The following MCF2 variants were observed in gnomAD, a reference collection of about 807,000 sequenced individuals.
The protein encoded by MCF2 is proto-oncogene DBL.
A neutral mutation model predicts 82.5 loss-of-function variants in MCF2; 44 were observed. The ratio of observed to expected loss-of-function variants is 0.53; its 90% CI spans 0.42 to 0.69. The LOEUF is 0.69. MCF2 is among the 30% of genes least tolerant of loss of function. The pLI, the probability that MCF2 is intolerant of heterozygous loss-of-function variation, is 0.00. For synonymous variants in MCF2, 217 were observed against 224.9 expected (o/e 0.96, Z 0.32); for missense variants, 623 against 663.1 (o/e 0.94, Z 0.66).
intron 1 of MCF2, among the ~76,000 whole-genome samples, chrX:139,665,912 T>TACACAC (rs1441661199): frequency 2.4e-5 from 2 of 82,928 alleles, no homozygotes; most frequent in Non-Finnish European, 4.3e-5. Context: ...TATATATATA[T>TACACAC]ATATATATAT....
At chrX:139,588,330 T>C (rs769778013) in intron 21 of MCF2, 30 bp downstream of exon 25, 5 of 1,123,243 alleles carry the variant, frequency 4.5e-6, no homozygotes, top group Non-Finnish European at 4.9e-6. Context: ...ACTATACTTC[T>C]TGTTCTGAAG....
Position 139,619,826 on chromosome X carries a change from T to G in MCF2, c.688-120A>C. On this transcript the variant is annotated intron_variant, in intron 6 of 24. Transcript: ENST00000370576. The stretch of plus-strand genomic sequence containing the variant: ...TGGAGAAATTACACATATAAAAAAT[T>G]TGGTTATTTTATTCACAGAAATAGC... 7.8e-6 allele frequency: 4 copies of G among 510,756 alleles called. No homozygotes were observed. The Admixed American group carries it at 1.4e-4, about 17-fold the overall frequency. 42.1% of individuals were successfully genotyped at this position (510,756 alleles called of 1,213,427 possible).
intron 6 of MCF2, among the ~76,000 whole-genome samples, chrX:139,622,336 T>C (rs1306577880): frequency 4.5e-5 from 5 of 111,518 alleles, no homozygotes; most frequent in Non-Finnish European, 9.4e-5. Flanking sequence ...TCCTCAGGGA[T>C]CTAGAACTAG....
chrX:139,689,354 G>A (rs1437828443), intron 1 of MCF2, among the ~76,000 whole-genome samples: 1 of 112,000 alleles, frequency 8.9e-6, no homozygotes, highest in East Asian at 2.8e-4. Flanking sequence ...TACAGCCATA[G>A]TAAGGGCATC....
In MCF2 at chrX:139,588,348, G is replaced by A; in HGVS notation, c.2449+12C>T. The A allele has an allele frequency of 8.4e-7, 1 of 1,188,610 alleles. No individual in the cohort carries two copies. Among genetic ancestry groups the A allele is most frequent in the Non-Finnish European group, 1.1e-6 (1 of 877,123 alleles). ...ATACTTCTTGTTCTGAAGAATGCAG[G>A]CTTGAATTTACCTGTCAAAAGTTCC... is the stretch of plus-strand genomic sequence containing the variant. On this transcript the variant is annotated intron_variant, in intron 21 of 24. Transcript: ENST00000370576.
At position 139,600,746 on chromosome X, in the gene MCF2, C is replaced by T. The variant is rs764705238; in HGVS notation, c.1836+1660G>A. ...TCATGGTCAATAAACCCACATATGC[C>T]CTGGAAACTTCCAATGAGCTTTTTA... On this transcript the variant is annotated intron_variant, in intron 16 of 24. Transcript: ENST00000370576. 7.8e-3 allele frequency among the ~76,000 whole-genome samples: 874 copies of T among 111,360 alleles called. 8 individuals carry two copies. Among genetic ancestry groups the T allele is most frequent in the Non-Finnish European group, 0.012 (657 of 52,892 alleles).
chrX:139,613,491 A>G (rs1173966666), intron 10 of MCF2, among the ~76,000 whole-genome samples: 4 of 111,740 alleles, frequency 3.6e-5, no homozygotes, highest in African/African-American at 1.3e-4. Context: ...GGACTAGTCC[A>G]GTTTATCAAG....
rs765068568 is a variant in MCF2, at chrX:139,699,443, C to G, written c.-45+8663G>C. On this transcript the variant is annotated intron_variant, in intron 1 of 27. Transcript: ENST00000414978. ...CACAGAGATGTACAACCATCACAAT[C>G]TAATTTTAGAACATCTCATCGTCCC... Among the ~76,000 whole-genome samples, 4 of 112,164 alleles carry G rather than the reference C, an allele frequency of 3.6e-5. No homozygotes were observed. The South Asian group carries it at 1.5e-3, about 42-fold the overall frequency.
chrX:139,609,828 C>T (rs976098720), intron 11 of MCF2, among the ~76,000 whole-genome samples: 2 of 111,472 alleles, frequency 1.8e-5, no homozygotes, highest in Admixed American at 9.5e-5. Flanking sequence ...CATAGTGAGA[C>T]CCTGTCTCTA....
chrX:139,674,742 G>C (rs754828662), intron 1 of MCF2, among the ~76,000 whole-genome samples: 2 of 111,594 alleles, frequency 1.8e-5, no homozygotes, highest in Non-Finnish European at 3.8e-5. Flanking sequence ...CTTTCTCTCT[G>C]GCTGCTCTTA....
chrX:139,582,268 T>A lies in MCF2; in HGVS notation c.*203A>T. 5 of 464,384 alleles carry A rather than the reference T, an allele frequency of 1.1e-5. No homozygotes were observed. In the South Asian group the frequency reaches 1.6e-4, roughly 15 times the overall value. 38.3% of individuals were successfully genotyped at this position (464,384 alleles called of 1,213,427 possible). ...CACAATATCTGACACATTAAATACA[T>A]GATTTTAAAAAGACAGCGTACCATA... On this transcript the variant is annotated 3_prime_UTR_variant, in exon 25 of 25. Transcript: ENST00000370576.
At chrX:139,594,467 C>A (rs1421140559) in intron 19 of MCF2, among the ~76,000 whole-genome samples, 19 of 109,556 alleles carry the variant, frequency 1.7e-4, no homozygotes, top group Non-Finnish European at 2.9e-4. Flanking sequence ...CAAAAACAAG[C>A]AATGGGGAAA....
chrX:139,705,810 A>G (rs1322081072), intron 1 of MCF2, among the ~76,000 whole-genome samples: 1 of 112,496 alleles, frequency 8.9e-6, no homozygotes, highest in Non-Finnish European at 1.9e-5. Flanking sequence ...TTTGCAAACT[A>G]TGTATCTGAC....
At chrX:139,639,475 C>G (rs745743907) in intron 1 of MCF2, among the ~76,000 whole-genome samples, 11 of 110,899 alleles carry the variant, frequency 9.9e-5, no homozygotes, top group Non-Finnish European at 2.1e-4. Context: ...TGGTCCCACC[C>G]CAGCCCTCAG....
chrX:139,676,448 C>T (rs897400465), intron 1 of MCF2, among the ~76,000 whole-genome samples: 2 of 111,918 alleles, frequency 1.8e-5, no homozygotes, highest in African/African-American at 6.5e-5. Context: ...CCTATTTGGC[C>T]ATCTTGGAAT....
At chrX:139,589,299 A>T (rs1436369586) in intron 20 of MCF2, among the ~76,000 whole-genome samples, 1 of 112,426 alleles carries the variant, frequency 8.9e-6, no homozygotes, top group East Asian at 2.8e-4. Flanking sequence ...CATTTTTAAC[A>T]GATAACAGCA....
Position 139,605,476 on chromosome X carries a change from A to G in MCF2, c.1557+237T>C, listed in dbSNP as rs780685693. Among the ~76,000 whole-genome samples the G allele has an allele frequency of 9.9e-5, 11 of 111,624 alleles. No homozygotes were observed. The East Asian group carries it at 2.8e-3, about 29-fold the overall frequency. ...TGTAACAATCGGCTGTATCCCTAAGAGAACATTTTCTCTTCTGTAATAAAT... is the reference window on the plus strand; with the variant it reads ...TGTAACAATCGGCTGTATCCCTAAGGGAACATTTTCTCTTCTGTAATAAAT... On this transcript the variant is annotated intron_variant, in intron 13 of 24. Coordinates refer to ENST00000370576, the Ensembl canonical transcript of MCF2.
intron 1 of MCF2, among the ~76,000 whole-genome samples, chrX:139,684,952 A>G (rs182353388): frequency 8.9e-6 from 1 of 111,835 alleles, no homozygotes; most frequent in African/African-American, 3.2e-5. Flanking sequence ...ATTGAATTGC[A>G]TACTTTAAGT....
At chrX:139,668,234 G>A (rs761175069) in intron 1 of MCF2, among the ~76,000 whole-genome samples, 16 of 111,743 alleles carry the variant, frequency 1.4e-4, no homozygotes, top group African/African-American at 6.5e-5. Context: ...GCAGTTATCA[G>A]CAGGCTGATT....
Sources: gnomAD v4.1 joint callset for allele counts (sites outside exome capture counted in the v4.1 genomes callset) on GRCh38, gnomAD v4.1.1 for gene constraint, MANE v1.5 for transcripts, NCBI Gene and HGNC (gene_info 2026-07-23, HGNC 2026-07-21) for gene names.